ATP4B: variants seen among roughly 807,000 people sequenced by gnomAD.
The protein encoded by ATP4B is ATPase H+/K+ transporting subunit beta.
In ATP4B, 27 loss-of-function variants were observed where a neutral mutation model predicts 35.3. The ratio of observed to expected loss-of-function variants is 0.76; its 90% CI spans 0.56 to 1.05. The LOEUF (loss-of-function observed/expected upper bound fraction) is 1.05. Ranked by LOEUF, ATP4B falls within the 50% of genes least tolerant of loss-of-function variation. The pLI, the probability that ATP4B is intolerant of heterozygous loss-of-function variation, is 0.00. For synonymous variants in ATP4B, 162 were observed against 156.0 expected (o/e 1.04, Z -0.29); for missense variants, 375 against 384.8 (o/e 0.97, Z 0.21).
Position 113,649,335 on chromosome 13 carries a change from G to T in ATP4B, c.*39C>A. On this transcript the variant is annotated 3_prime_UTR_variant, in exon 7 of 7. Coordinates refer to ENST00000335288, the MANE Select transcript of ATP4B (RefSeq NM_000705.4). This position sits in a 1 kb window ranked among gnomAD's most constrained non-coding sequence, Gnocchi z 4.7. Reference sequence around the variant, plus strand: ...CCCAACCAGGAGGGTGTCCTTGAGCGACCCCGCAGGCGTGCCCAGGACCCC... The same window carrying T: ...CCCAACCAGGAGGGTGTCCTTGAGCTACCCCGCAGGCGTGCCCAGGACCCC... The T allele has an allele frequency of 6.4e-7, 1 of 1,562,572 alleles. No individual in the cohort carries two copies. The highest frequency in any genetic ancestry group is 1.2e-5 in the South Asian group (1 of 85,168).
At chr13:113,657,086 T>C (rs1327747860) in intron 1 of ATP4B, among the ~76,000 whole-genome samples, 1 of 152,174 alleles carries the variant, frequency 6.6e-6, no homozygotes, top group African/African-American at 2.4e-5. Flanking sequence ...GCTGCAGCCT[T>C]CACCAGCACT....
rs576091747 is a variant in ATP4B, at chr13:113,650,582, C to T, written c.613-75G>A. ...GGTGTCTGTGTGTTGCGTTTGTGTG[C>T]GTGTGTGCACACACGCGCTGTGTAG... On this transcript the variant is annotated intron_variant, in intron 5 of 6. Transcript: ENST00000335288. The surrounding 1 kb of genome is among the most constrained non-coding windows in gnomAD (Gnocchi z 5.0). 103 of 1,187,754 alleles carry T rather than the reference C, an allele frequency of 8.7e-5. No individual in the cohort carries two copies. The Middle Eastern group carries it at 1.2e-3, about 13-fold the overall frequency. 73.6% of individuals were successfully genotyped at this position (1,187,754 alleles called of 1,614,324 possible).
rs891089469 is a variant in ATP4B, at chr13:113,649,631, A to G, written c.715-96T>C. The G allele has an allele frequency of 1.9e-4, 265 of 1,366,320 alleles. 2 individuals carry two copies. Among genetic ancestry groups the G allele is most frequent in the Non-Finnish European group, 7.4e-5 (77 of 1,034,116 alleles). The allele number at this position is 1,366,320 out of a possible 1,614,324, so 84.6% of individuals were successfully genotyped here. On this transcript the variant is annotated intron_variant, in intron 6 of 6. Transcript: ENST00000335288. This position sits in a 1 kb window ranked among gnomAD's most constrained non-coding sequence, Gnocchi z 4.7. ...GAAGTGTCAACAGTCAGGTTGGTGC[A>G]GAGAAGCAGCTCTTTTGTGTAAGAC...
chr13:113,658,188 A>C lies in ATP4B; in HGVS notation c.-44T>G. ...CTCCCGTCTGCTCCCTGCACCCTCT[A>C]CGCCCAGACTGAGGCCAGATGCCCA... On this transcript the variant is annotated 5_prime_UTR_variant, in exon 1 of 7. Coordinates refer to ENST00000335288, the MANE Select transcript of ATP4B (RefSeq NM_000705.4). 2 of 1,555,736 alleles carry C rather than the reference A, an allele frequency of 1.3e-6. No individual in the cohort carries two copies. The highest frequency in any genetic ancestry group is 1.8e-6 in the Non-Finnish European group (2 of 1,140,030).
rs201581570 is a variant in ATP4B at position 113,649,340 on chromosome 13, C to T, written c.*34G>A. ...CCAGGAGGGTGTCCTTGAGCGACCC[C>T]GCAGGCGTGCCCAGGACCCCTGCGC... On this transcript the variant is annotated 3_prime_UTR_variant, in exon 7 of 7. Transcript: ENST00000335288. The surrounding 1 kb of genome is among the most constrained non-coding windows in gnomAD (Gnocchi z 4.7). The T allele has an allele frequency of 1.0e-4, 164 of 1,570,234 alleles. 1 individual carries two copies. The East Asian group carries it at 2.6e-3, about 24-fold the overall frequency.
Position 113,651,739 on chromosome 13 carries a change from A to G in ATP4B, c.556-12T>C. ...AGGAACTTGACGATCTAGAAGGGAA[A>G]AGCTTGAGCGTGGCCGCTCCCCACC... is the stretch of plus-strand genomic sequence containing the variant. On this transcript the variant is annotated splice_polypyrimidine_tract_variant and intron_variant, in intron 4 of 6. Transcript: ENST00000335288. 6.2e-7 allele frequency: 1 copy of G among 1,613,278 alleles called. No homozygotes were observed. Among genetic ancestry groups the G allele is most frequent in the Non-Finnish European group, 8.5e-7 (1 of 1,179,642 alleles).
At chr13:113,652,162 T>A (rs1233513014) in intron 4 of ATP4B, among the ~76,000 whole-genome samples, 1 of 152,110 alleles carries the variant, frequency 6.6e-6, no homozygotes, top group Non-Finnish European at 1.5e-5. Flanking sequence ...CCTGGGCTTC[T>A]CCAGCCCCAG....
rs2049705088 is a variant in ATP4B, at chr13:113,650,603, T to C, written c.613-96A>G. 4.6e-6 allele frequency: 4 copies of C among 863,926 alleles called. No individual in the cohort carries two copies. The East Asian group carries it at 9.9e-5, about 21-fold the overall frequency. 53.5% of individuals were successfully genotyped at this position (863,926 alleles called of 1,614,324 possible). On this transcript the variant is annotated intron_variant, in intron 5 of 6. Coordinates refer to ENST00000335288, the MANE Select transcript of ATP4B (RefSeq NM_000705.4). The surrounding 1 kb of genome is among the most constrained non-coding windows in gnomAD (Gnocchi z 5.0). ...TGTGCGTGTGTGCACACACGCGCTG[T>C]GTAGGTGCTTGCATAAACACTTTAT...
Position 113,649,694 on chromosome 13 carries a change from A to G in ATP4B, c.715-159T>C, listed in dbSNP as rs1033438179. ...AGTGCATGCCCTGGAATTTGCTGAG[A>G]TAACACCCCCCATGTAAAAATGGAA... On this transcript the variant is annotated intron_variant, in intron 6 of 6. Transcript: ENST00000335288. The surrounding 1 kb of genome is among the most constrained non-coding windows in gnomAD (Gnocchi z 4.7). Among the ~76,000 whole-genome samples the G allele has an allele frequency of 1.3e-5, 2 of 152,234 alleles. No homozygotes were observed. The highest frequency in any genetic ancestry group is 2.9e-5 in the Non-Finnish European group (2 of 68,046).
chr13:113,652,300 C>T (rs535960251), intron 4 of ATP4B, among the ~76,000 whole-genome samples: 53 of 152,216 alleles, frequency 3.5e-4, no homozygotes, highest in Non-Finnish European at 7.1e-4. Flanking sequence ...GACGGGGACC[C>T]GTGAGGTGTA....
In ATP4B at chr13:113,648,855, C is replaced by A. The variant is rs941647063; in HGVS notation, c.*519G>T. 6.6e-6 allele frequency: 1 copy of A among 152,136 alleles called. No homozygotes were observed. 9.4% of individuals were successfully genotyped at this position (152,136 alleles called of 1,614,324 possible). On this transcript the variant is annotated 3_prime_UTR_variant, in exon 7 of 7. Coordinates refer to ENST00000335288, the MANE Select transcript of ATP4B (RefSeq NM_000705.4). ...TTAATTTCTCCCATATCAGGAAACACGATTTCTTTTTTTACATACAATAAG... is the reference window on the plus strand; with the variant it reads ...TTAATTTCTCCCATATCAGGAAACAAGATTTCTTTTTTTACATACAATAAG...
In ATP4B at chr13:113,651,658, C is replaced by A; in HGVS notation, c.612+13G>T. ...TCCTGGGGCAGCCCTGCCCGCCGCG[C>A]GGCCGTACTCACCAGGAAGGCGCAG... On this transcript the variant is annotated intron_variant, in intron 5 of 6. Transcript: ENST00000335288. The A allele has an allele frequency of 6.2e-7, 1 of 1,606,498 alleles. No homozygotes were observed.
chr13:113,651,127 G>T (rs1200840257), intron 5 of ATP4B, among the ~76,000 whole-genome samples: 1 of 151,940 alleles, frequency 6.6e-6, no homozygotes, highest in Non-Finnish European at 1.5e-5. Flanking sequence ...CGCGGTAATG[G>T]AACCACGCTG....
rs1421517759 is a variant in ATP4B at position 113,650,406 on chromosome 13, C to G, written c.714G>C (p.Gln238His). The G allele has an allele frequency of 2.5e-6, 4 of 1,613,734 alleles. No homozygotes were observed. Among genetic ancestry groups the G allele is most frequent in the Non-Finnish European group, 1.7e-6 (2 of 1,179,724 alleles). ...HYFPYYGKKA[Q>H]PHYSNPLVAA... is the part of the protein sequence containing the mutation. ...GGAAGCGTGGAAGGAAGGAACCTACCTGGGCTTTCTTCCCGTAATAAGGGA... is the reference window on the plus strand; with the variant it reads ...GGAAGCGTGGAAGGAAGGAACCTACGTGGGCTTTCTTCCCGTAATAAGGGA... Residue 238 changes from glutamine (Q) to histidine (H), a missense_variant and splice_region_variant, in exon 6 of 7, where the codon CAG becomes CAC. Coordinates refer to ENST00000335288, the MANE Select transcript of ATP4B (RefSeq NM_000705.4). The surrounding 1 kb of genome is among the most constrained non-coding windows in gnomAD (Gnocchi z 5.0).
intron 4 of ATP4B, chr13:113,652,613 C>A: frequency 1.8e-6 from 1 of 549,200 alleles, no homozygotes; most frequent in Non-Finnish European, 3.4e-6. Flanking sequence ...CCTGGCCTTG[C>A]AGAGACCCCT....
At position 113,653,471 on chromosome 13, in the gene ATP4B, T is replaced by C. The variant is rs776247699; in HGVS notation, c.242-37A>G. On this transcript the variant is annotated intron_variant, in intron 2 of 6. Coordinates refer to ENST00000335288, the MANE Select transcript of ATP4B (RefSeq NM_000705.4). ...GACCTTTGTGCTTAGCGTCTCCAAA[T>C]GCTCACCACATTTAAGCCATCAGTT... 8 of 1,570,262 alleles carry C rather than the reference T, an allele frequency of 5.1e-6. No homozygotes were observed. The South Asian group carries it at 7.8e-5, about 15-fold the overall frequency.
rs372371020 is a variant in ATP4B, at chr13:113,649,370, C to G, written c.*4G>C. 1.0e-5 allele frequency: 16 copies of G among 1,591,224 alleles called. No homozygotes were observed. The highest frequency in any genetic ancestry group is 1.4e-5 in the Non-Finnish European group (16 of 1,167,718). On this transcript the variant is annotated 3_prime_UTR_variant, in exon 7 of 7. Coordinates refer to ENST00000335288, the MANE Select transcript of ATP4B (RefSeq NM_000705.4). This position sits in a 1 kb window ranked among gnomAD's most constrained non-coding sequence, Gnocchi z 4.7. ...GCGTGCCCAGGACCCCTGCGCAAACCGTTTCACTTCTCAATCTTGAGTTTG... is the reference window on the plus strand; with the variant it reads ...GCGTGCCCAGGACCCCTGCGCAAACGGTTTCACTTCTCAATCTTGAGTTTG...
Position 113,654,826 on chromosome 13 carries a change from G to A in ATP4B, c.229C>T (p.Leu77=), listed in dbSNP as rs1475665395. ...CCCGGGCGCTTACCTGGTGACCGTA[G>A]CTGGTCTTGGTAGTCCGGTGTGTAC... is the stretch of plus-strand genomic sequence containing the variant. ...DPYTPDYQDQ[L]RSPGVTLRPD... Residue 77 remains leucine, a synonymous_variant, in exon 2 of 7, where the codon CTA becomes TTA. Transcript: ENST00000335288. The A allele has an allele frequency of 3.7e-6, 6 of 1,613,946 alleles. No homozygotes were observed. The highest frequency in any genetic ancestry group is 5.1e-6 in the Non-Finnish European group (6 of 1,179,972).
intron 4 of ATP4B, among the ~76,000 whole-genome samples, chr13:113,652,402 G>C (rs568956466): frequency 1.5e-4 from 23 of 152,352 alleles, no homozygotes; most frequent in African/African-American, 5.3e-4. Flanking sequence ...CCATGGAGTG[G>C]TGGCCCCAAG....
Sources: allele counts gnomAD v4.1 joint callset (sites outside exome capture counted in the v4.1 genomes callset), GRCh38; gene constraint gnomAD v4.1.1; non-coding constraint Gnocchi (gnomAD v3.1); transcripts MANE v1.5; gene names NCBI Gene and HGNC (gene_info 2026-07-23, HGNC 2026-07-21).